The following PCDHA10 variants were observed in gnomAD, a reference collection of about 807,000 sequenced individuals.
PCDHA10 encodes the protein protocadherin alpha-10.
PCDHA10 carries 45 observed loss-of-function variants against 61.2 expected under a neutral mutation model. The observed-to-expected ratio is 0.74, with a 90% CI of 0.58 to 0.94. The LOEUF is 0.94. PCDHA10 is among the 40% of genes least tolerant of loss of function. The pLI is 0.00. For synonymous variants in PCDHA10, 602 were observed against 548.8 expected, an observed-to-expected ratio of 1.10 and a Z score of -1.35; for missense variants, 1,278 against 1,236.2, an observed-to-expected ratio of 1.03 and a Z score of -0.51.
chr5:141,001,987 A>C (rs547998020), intron 3 of PCDHA10, among the ~76,000 whole-genome samples: 3 of 152,302 alleles, frequency 2.0e-5, no homozygotes, highest in African/African-American at 7.2e-5. Context: ...AAAGCCTGGA[A>C]GTTCACTTGC....
At chr5:140,886,361 G>A (rs374709389) in intron 1 of PCDHA10, among the ~76,000 whole-genome samples, 1 of 151,992 alleles carries the variant, frequency 6.6e-6, no homozygotes, top group African/African-American at 2.4e-5. Context: ...TTACATAGGT[G>A]TACATGCCAT....
rs2052480735 is a variant in PCDHA10 at position 140,870,867 on chromosome 5, C to A, written c.2388+12431C>A. 5 of 1,613,908 alleles carry A rather than the reference C, an allele frequency of 3.1e-6. No individual in the cohort carries two copies. The East Asian group carries it at 8.9e-5, about 29-fold the overall frequency. ...TACCGCGGTCGGTGGGTGCGGGCCACGTGGTGGCGAAGGTGCGCGCAGTGG... is the reference window on the plus strand; with the variant it reads ...TACCGCGGTCGGTGGGTGCGGGCCAAGTGGTGGCGAAGGTGCGCGCAGTGG... On this transcript the variant is annotated intron_variant, in intron 1 of 3. Transcript: ENST00000307360.
intron 1 of PCDHA10, chr5:140,869,082 T>A: frequency 6.3e-7 from 1 of 1,582,446 alleles, no homozygotes; most frequent in South Asian, 1.2e-5. Context: ...GAAGCTTATT[T>A]TGGAAGCCAA....
At chr5:140,875,465 T>G in intron 1 of PCDHA10, 1 of 1,599,690 alleles carries the variant, frequency 6.3e-7, no homozygotes, top group Non-Finnish European at 8.5e-7. Flanking sequence ...AGGCCCTCAT[T>G]TTCTGCAATG....
intron 3 of PCDHA10, among the ~76,000 whole-genome samples, chr5:140,987,698 A>T (rs1213489735): frequency 6.6e-6 from 1 of 152,142 alleles, no homozygotes; most frequent in African/African-American, 2.4e-5. Flanking sequence ...TTTTTAAATG[A>T]TTTTTCCAGG....
intron 3 of PCDHA10, among the ~76,000 whole-genome samples, chr5:140,989,274 G>A (rs3756325): frequency 0.3 from 45,270 of 152,016 alleles, 6,976 homozygotes; most frequent in East Asian, 0.43. Flanking sequence ...GTTTCTGCTG[G>A]GGACATCTCA....
Position 140,857,767 on chromosome 5 carries a change from C to T in PCDHA10, c.1719C>T (p.Gly573=). ...ALLASPAGSA[G]GAVSELVLRS... ...TGGCGTCTCCCGCTGGCAGCGCGGGCGGTGCAGTCAGTGAGCTGGTGCTGC... is the reference window on the plus strand; with the variant it reads ...TGGCGTCTCCCGCTGGCAGCGCGGGTGGTGCAGTCAGTGAGCTGGTGCTGC... Residue 573 remains glycine, a synonymous_variant, in exon 1 of 4, where the codon GGC becomes GGT. Coordinates refer to ENST00000307360, the MANE Select transcript of PCDHA10 (RefSeq NM_018901.4). 6.3e-7 allele frequency: 1 copy of T among 1,597,458 alleles called. No individual in the cohort carries two copies. The highest frequency in any genetic ancestry group is 8.6e-7 in the Non-Finnish European group (1 of 1,167,614).
intron 1 of PCDHA10, among the ~76,000 whole-genome samples, chr5:140,957,275 C>T (rs1203444899): frequency 6.6e-6 from 1 of 152,158 alleles, no homozygotes; most frequent in African/African-American, 2.4e-5. Flanking sequence ...CTAGTCCCCC[C>T]TTACCTGCAG....
rs781917564 is a variant in PCDHA10 at position 140,857,828 on chromosome 5, C to A, written c.1780C>A (p.Arg594Ser). 4 of 1,597,660 alleles carry A rather than the reference C, an allele frequency of 2.5e-6. No homozygotes were observed. Among genetic ancestry groups the A allele is most frequent in the African/African-American group, 1.3e-5 (1 of 74,350 alleles). Residue 594 changes from arginine to serine, a missense_variant, in exon 1 of 4, where the codon CGC becomes AGC. Arg to Ser is a moderately radical substitution (Grantham distance 110). Coordinates refer to ENST00000307360, the MANE Select transcript of PCDHA10 (RefSeq NM_018901.4). ...TGCGGGTCACGTGGTGGCTAAGGTG[C>A]GCGCAGTGGACGCTGACTCTGGATA... ...VVAGHVVAKV[R>S]AVDADSGYNA...
At chr5:140,985,832 C>T (rs760290757) in intron 3 of PCDHA10, among the ~76,000 whole-genome samples, 4 of 151,378 alleles carry the variant, frequency 2.6e-5, no homozygotes, top group African/African-American at 4.9e-5. Flanking sequence ...CTCTGCCTCC[C>T]GGGTTCATGC....
At chr5:140,927,342 TGAC>T (rs1554204398) in intron 1 of PCDHA10, 1 of 1,614,160 alleles carries the variant, frequency 6.2e-7, no homozygotes, top group Non-Finnish European at 8.5e-7. Context: ...ATGCCCAAGA[TGAC>T]GACGAGGGAA....
intron 1 of PCDHA10, chr5:140,871,103 C>G (rs202137231): frequency 4.3e-6 from 7 of 1,613,290 alleles, no homozygotes; most frequent in South Asian, 2.2e-5. Flanking sequence ...GTGCTGGTGT[C>G]GTTGGTGGAG....
chr5:140,887,245 C>T (rs1200820177), intron 1 of PCDHA10, among the ~76,000 whole-genome samples: 2 of 151,924 alleles, frequency 1.3e-5, no homozygotes, highest in East Asian at 1.9e-4. Context: ...TACCGGCGCC[C>T]GCCACCACGC....
At chr5:140,912,865 A>G (rs1554195582) in intron 1 of PCDHA10, among the ~76,000 whole-genome samples, 1 of 152,138 alleles carries the variant, frequency 6.6e-6, no homozygotes, top group East Asian at 1.9e-4. Flanking sequence ...GAAATGATAT[A>G]TGGTTTTTGG....
intron 1 of PCDHA10, chr5:140,877,379 TC>T (rs1169435329): frequency 1.9e-6 from 3 of 1,613,950 alleles, no homozygotes. Flanking sequence ...ACGACACGCA[TC>T]CTGGATGAGG....
chr5:140,914,187 A>G (rs2076635858), intron 1 of PCDHA10, among the ~76,000 whole-genome samples: 1 of 152,110 alleles, frequency 6.6e-6, no homozygotes, highest in African/African-American at 2.4e-5. Flanking sequence ...TTCTCCACCT[A>G]TTATTGTATT....
At chr5:140,898,511 G>A (rs373963449) in intron 1 of PCDHA10, among the ~76,000 whole-genome samples, 16 of 151,912 alleles carry the variant, frequency 1.1e-4, no homozygotes, top group South Asian at 4.2e-4. Context: ...GATATGCGGC[G>A]TTATTTCTGA....
intron 1 of PCDHA10, chr5:140,876,955 G>A: frequency 6.2e-7 from 1 of 1,613,390 alleles, no homozygotes; most frequent in Non-Finnish European, 8.5e-7. Context: ...CTACTCGCTG[G>A]TGGAGCGGCG....
chr5:140,926,713 C>T (rs1018008271), intron 1 of PCDHA10: 2 of 944,684 alleles, frequency 2.1e-6, no homozygotes, highest in Non-Finnish European at 2.9e-6. Context: ...CTGGCCAGCC[C>T]CGGCAATGCC....
Sources: allele counts gnomAD v4.1 joint callset (sites outside exome capture counted in the v4.1 genomes callset), GRCh38; gene constraint gnomAD v4.1.1; transcripts MANE v1.5; gene names NCBI Gene and HGNC (gene_info 2026-07-23, HGNC 2026-07-21).